Variants in DDX39B observed in about 807,000 individuals in gnomAD.
DDX39B encodes the protein DExD-box helicase 39B.
In DDX39B, 6 loss-of-function variants were observed where a neutral mutation model predicts 46.4. The observed-to-expected ratio is 0.13, with a 90% CI of 0.07 to 0.26. The LOEUF is 0.26. Among genes scored for constraint, DDX39B ranks in the 10% least tolerant of loss-of-function variants. The probability of loss-of-function intolerance (pLI) is 1.00; values close to 1 mark genes in which losing one functional copy is unlikely to be tolerated. For missense variants in DDX39B, 185 were observed against 553.4 expected, an observed-to-expected ratio of 0.33 and a Z score of 6.68; for synonymous variants, 174 against 199.4, an observed-to-expected ratio of 0.87 and a Z score of 1.07.
At chr6:31,541,865 T>C (rs1768520413) in intron 1 of DDX39B, 85 bp downstream of exon 1, 1 of 635,602 alleles carries the variant, frequency 1.6e-6, no homozygotes. Context: ...CCATCGCCTG[T>C]GAAAAGGGTA....
intron 5 of DDX39B, 112 bp downstream of exon 5, chr6:31,536,388 G>C: frequency 6.8e-7 from 1 of 1,468,114 alleles, no homozygotes; most frequent in Non-Finnish European, 9.5e-7. Flanking sequence ...ATCAGTCATG[G>C]GTGATAGATA....
At chr6:31,541,828 C>T in intron 1 of DDX39B, 122 bp downstream of exon 1, 3 of 650,898 alleles carry the variant, frequency 4.6e-6, no homozygotes, top group Non-Finnish European at 5.7e-6. Context: ...AAGGAAATAG[C>T]GAACCAACTA....
At position 31,534,720 on chromosome 6, in the gene DDX39B, C is replaced by G. The variant is rs188795516; in HGVS notation, c.735+647G>C. The G allele has an allele frequency of 2.9e-6, 1 of 350,700 alleles. No homozygotes were observed. The highest frequency in any genetic ancestry group is 5.6e-6 in the Non-Finnish European group (1 of 179,156). 21.7% of individuals were successfully genotyped at this position (350,700 alleles called of 1,614,324 possible). A position where few individuals can be genotyped will look rare whatever the true frequency, so the allele number is the denominator to read the frequency against. On this transcript the variant is annotated intron_variant, in intron 6 of 10. Transcript: ENST00000396172. The surrounding 1 kb of genome is among the most constrained non-coding windows in gnomAD (Gnocchi z 5.1). ...GCTGCCGCCATCCACCGCTGGGTGC[C>G]GTCTGCATTCCCTCGCCGCGCCACG...
intron 4 of DDX39B, among the ~76,000 whole-genome samples, chr6:31,538,550 A>T (rs1405863717): frequency 6.6e-6 from 1 of 152,184 alleles, no homozygotes; most frequent in Non-Finnish European, 1.5e-5. Context: ...GATATGATTC[A>T]AAGTCAGTAT....
chr6:31,531,056 A>G lies in DDX39B; in HGVS notation c.1119T>C (p.His373=), dbSNP rs1347864704. ...TTTTTCAGCCTGTGAGGTTTACCCG[A>G]TGCAGGTAGGTGTCAGAATCCTCAG... The part of the protein sequence containing the change: ...DMPEDSDTYL[H]RVARAGRFGT... Residue 373 remains histidine, a synonymous_variant, in exon 9 of 11, where the codon CAT becomes CAC. Transcript: ENST00000396172. The surrounding 1 kb of genome is among the most constrained non-coding windows in gnomAD (Gnocchi z 5.8). 6.2e-7 allele frequency: 1 copy of G among 1,614,058 alleles called. No individual in the cohort carries two copies. The highest frequency in any genetic ancestry group is 8.5e-7 in the Non-Finnish European group (1 of 1,180,044).
rs1284972330 is a variant in DDX39B at position 31,530,791 on chromosome 6, T to C, written c.1258A>G (p.Ile420Val). Residue 420 changes from isoleucine (I) to valine (V), a missense_variant, in exon 10 of 11, where the codon ATC (isoleucine) becomes GTC (valine). Ile to Val is a conservative substitution (Grantham distance 29, BLOSUM62 3). Transcript: ENST00000396172. The surrounding 1 kb of genome is among the most constrained non-coding windows in gnomAD (Gnocchi z 4.5). ...GATCAGTACTCACTGTAGGAGGAGA[T>C]GTCTATCTCATCAGGCAGCTCACTA... is the stretch of plus-strand genomic sequence containing the variant. ...NISELPDEIDISSYIEQTR is the reference protein window; with the variant it reads ...NISELPDEIDVSSYIEQTR 1 of 1,612,618 alleles carries C rather than the reference T, an allele frequency of 6.2e-7. No homozygotes were observed. Among genetic ancestry groups the C allele is most frequent in the Non-Finnish European group, 8.5e-7 (1 of 1,180,012 alleles).
In DDX39B at chr6:31,531,227, TGA is replaced by T. The variant is rs1767120444; in HGVS notation, c.978-32_978-31del. Reference sequence around the variant, plus strand: ...GTGAGAAAGGAAATTTAAAACATGTTGAGATTCCCTTCTCTCAACTGTCTTTT... The same window carrying T: ...GTGAGAAAGGAAATTTAAAACATGTTGATTCCCTTCTCTCAACTGTCTTTT... On this transcript the variant is annotated intron_variant, in intron 8 of 10. Coordinates refer to ENST00000396172, the MANE Select transcript of DDX39B (RefSeq NM_004640.7). The surrounding 1 kb of genome is among the most constrained non-coding windows in gnomAD (Gnocchi z 5.8). The T allele has an allele frequency of 1.2e-6, 2 of 1,613,434 alleles. No individual in the cohort carries two copies. Among genetic ancestry groups the T allele is most frequent in the Middle Eastern group, 1.7e-4 (1 of 6,058 alleles).
chr6:31,532,441 TG>T (rs1460202926), intron 7 of DDX39B: 1 of 210,192 alleles, frequency 4.8e-6, no homozygotes, highest in Non-Finnish European at 9.9e-6. Context: ...AGTTTCGCCA[TG>T]TTGCCCCGAC....
chr6:31,537,422 T>A (rs1358381333), intron 4 of DDX39B, among the ~76,000 whole-genome samples: 1 of 151,954 alleles, frequency 6.6e-6, no homozygotes, highest in African/African-American at 2.4e-5. Flanking sequence ...CGAGACTCCA[T>A]CTCAAAAAAT....
At chr6:31,537,736 A>C (rs1408905634) in intron 4 of DDX39B, among the ~76,000 whole-genome samples, 1 of 152,078 alleles carries the variant, frequency 6.6e-6, no homozygotes, top group Non-Finnish European at 1.5e-5. Context: ...CCTATGGTAA[A>C]TCTAAAATCA....
At chr6:31,537,609 G>C (rs1767926866) in intron 4 of DDX39B, among the ~76,000 whole-genome samples, 2 of 152,154 alleles carry the variant, frequency 1.3e-5, no homozygotes, top group Non-Finnish European at 1.5e-5. Context: ...AAAACCATTA[G>C]GTGAATAGTT....
At chr6:31,532,528 C>A in intron 7 of DDX39B, 1 of 394,960 alleles carries the variant, frequency 2.5e-6, no homozygotes, top group Non-Finnish European at 4.7e-6. Context: ...ACATAAGCCA[C>A]CGTGCCTGGC....
At chr6:31,539,019 G>T in intron 3 of DDX39B, 128 bp downstream of exon 3, 1 of 1,544,124 alleles carries the variant, frequency 6.5e-7, no homozygotes, top group Non-Finnish European at 9.0e-7. Context: ...CCCCACAGCT[G>T]TCAGGTTGTC....
At position 31,530,348 on chromosome 6, in the gene DDX39B, G is replaced by A. The variant is rs532235248; in HGVS notation, c.*86C>T. 2.0e-6 allele frequency: 3 copies of A among 1,515,318 alleles called. No individual in the cohort carries two copies. Among genetic ancestry groups the A allele is most frequent in the East Asian group, 2.3e-5 (1 of 44,160 alleles). The allele number at this position is 1,515,318 out of a possible 1,614,324, so 93.9% of individuals were successfully genotyped here. A position where few individuals can be genotyped will look rare whatever the true frequency, so the allele number is the denominator to read the frequency against. ...AAGCCATGGGGTGGGGGCTGTCAGG[G>A]GTGGGGGCAGTAGTGTCTCCTTCAC... On this transcript the variant is annotated 3_prime_UTR_variant, in exon 11 of 11. Coordinates refer to ENST00000396172, the MANE Select transcript of DDX39B (RefSeq NM_004640.7). This position sits in a 1 kb window ranked among gnomAD's most constrained non-coding sequence, Gnocchi z 4.5.
intron 7 of DDX39B, chr6:31,532,562 T>TA: frequency 2.0e-6 from 1 of 511,238 alleles, no homozygotes; most frequent in African/African-American, 2.0e-5. Context: ...TTTTGAAGTT[T>TA]ATTTTCCTTG....
rs1308161710 is a variant in DDX39B at position 31,535,055 on chromosome 6, G to A, written c.735+312C>T. On this transcript the variant is annotated intron_variant, in intron 6 of 10. Transcript: ENST00000396172. The surrounding 1 kb of genome is among the most constrained non-coding windows in gnomAD (Gnocchi z 4.6). The stretch of plus-strand genomic sequence containing the variant: ...TGTAAGAGACGATGGATGGGTGGGT[G>A]GTAGGGCAGAAAAATCCTGCCCTCC... 2.3e-6 allele frequency: 1 copy of A among 433,694 alleles called. No individual in the cohort carries two copies. The highest frequency in any genetic ancestry group is 4.3e-6 in the Non-Finnish European group (1 of 232,646). The allele number at this position is 433,694 out of a possible 1,614,324, so 26.9% of individuals were successfully genotyped here. A position where few individuals can be genotyped will look rare whatever the true frequency, so the allele number is the denominator to read the frequency against.
At chr6:31,538,623 C>T (rs1229965323) in intron 4 of DDX39B, 140 bp downstream of exon 4, 9 of 719,690 alleles carry the variant, frequency 1.3e-5, no homozygotes, top group Non-Finnish European at 2.0e-5. Flanking sequence ...ACGAATCCTC[C>T]TGTTACATAG....
intron 1 of DDX39B, chr6:31,540,889 G>T: frequency 2.4e-6 from 1 of 410,654 alleles, no homozygotes; most frequent in Non-Finnish European, 4.5e-6. Flanking sequence ...TCACAGTAGC[G>T]GAAACCAGAA....
intron 5 of DDX39B, 112 bp downstream of exon 5, chr6:31,536,388 G>A (rs1767785211): frequency 6.8e-7 from 1 of 1,468,114 alleles, no homozygotes; most frequent in Non-Finnish European, 9.5e-7. Flanking sequence ...ATCAGTCATG[G>A]GTGATAGATA....
Sources: allele counts gnomAD v4.1 joint callset (sites outside exome capture counted in the v4.1 genomes callset), GRCh38; gene constraint gnomAD v4.1.1; non-coding constraint Gnocchi (gnomAD v3.1); transcripts MANE v1.5; gene names NCBI Gene and HGNC (gene_info 2026-07-23, HGNC 2026-07-21).